Variants in GPATCH1 observed in about 807,000 individuals in gnomAD.
The protein encoded by GPATCH1 is G patch domain-containing protein 1.
GPATCH1 carries 73 observed loss-of-function variants against 114.9 expected under a neutral mutation model. The ratio of observed to expected loss-of-function variants is 0.64; its 90% CI spans 0.53 to 0.77. The LOEUF (loss-of-function observed/expected upper bound fraction) is 0.77. GPATCH1 is among the 30% of genes least tolerant of loss of function. The pLI, the probability that GPATCH1 is intolerant of heterozygous loss-of-function variation, is 0.00. For missense variants in GPATCH1, 1,058 were observed against 1,144.3 expected (o/e 0.92, Z 1.09); for synonymous variants, 391 against 428.4 (o/e 0.91, Z 1.08).
At chr19:33,096,948 C>CTT (rs201015806) in intron 7 of GPATCH1, among the ~76,000 whole-genome samples, 8 of 138,846 alleles carry the variant, frequency 5.8e-5, no homozygotes, top group East Asian at 4.4e-4. Context: ...TTCTTTCTTT[C>CTT]TTTCTTTTTT....
chr19:33,081,203 C>T lies in GPATCH1; in HGVS notation c.10C>T (p.Arg4Trp), dbSNP rs1972470967. 5.8e-6 allele frequency: 9 copies of T among 1,551,282 alleles called. No homozygotes were observed. The African/African-American group carries it at 9.6e-5, about 16-fold the overall frequency. MAARDSDSEEDLVS... is the reference protein window; with the variant it reads MAAWDSDSEEDLVS... ...GGCCCGGAAGAGCAGGATGGCGGCGCGGGACAGTGACAGCGAAGAAGATCT... is the reference window on the plus strand; with the variant it reads ...GGCCCGGAAGAGCAGGATGGCGGCGTGGGACAGTGACAGCGAAGAAGATCT... Residue 4 changes from arginine (R) to tryptophan (W), a missense_variant, in exon 1 of 20, where the codon CGG becomes TGG. Transcript: ENST00000170564.
chr19:33,088,002 A>G, intron 1 of GPATCH1, 132 bp from the exon 2 acceptor site: 1 of 546,760 alleles, frequency 1.8e-6, no homozygotes, highest in African/African-American at 1.9e-5. Flanking sequence ...AGGAATAACA[A>G]TTTAAATGAT....
At chr19:33,121,200 A>G (rs1972979706) in intron 17 of GPATCH1, among the ~76,000 whole-genome samples, 2 of 151,600 alleles carry the variant, frequency 1.3e-5, no homozygotes, top group African/African-American at 2.4e-5. Flanking sequence ...AGCTCACTGC[A>G]TGACTTCTGG....
intron 8 of GPATCH1, 126 bp downstream of exon 8, chr19:33,098,028 A>G (rs777841869): frequency 6.9e-5 from 65 of 938,418 alleles, no homozygotes; most frequent in Non-Finnish European, 9.2e-5. Flanking sequence ...GAAACAAAAC[A>G]AAGAAGCGAG....
chr19:33,126,240 T>G (rs902831400), intron 18 of GPATCH1, among the ~76,000 whole-genome samples: 7 of 152,230 alleles, frequency 4.6e-5, no homozygotes, highest in African/African-American at 1.4e-4. Flanking sequence ...CCCAGGGGTC[T>G]GACAAAATAA....
At chr19:33,086,978 A>T (rs115485117) in intron 1 of GPATCH1, among the ~76,000 whole-genome samples, 2,418 of 152,206 alleles carry the variant, frequency 0.016, 60 homozygotes, top group African/African-American at 0.055. Context: ...TCAAAAAAAA[A>T]AAATAAATAA....
At chr19:33,124,559 G>C (rs1306628259) in intron 17 of GPATCH1, among the ~76,000 whole-genome samples, 1 of 152,180 alleles carries the variant, frequency 6.6e-6, no homozygotes, top group African/African-American at 2.4e-5. Context: ...AGAGAGAGGA[G>C]GATATAAGAA....
rs1972836105 is a variant in GPATCH1 at position 33,110,132 on chromosome 19, T to A, written c.1585+116T>A. 3.3e-6 allele frequency: 3 copies of A among 905,224 alleles called. No homozygotes were observed. The Admixed American group carries it at 8.8e-5, about 26-fold the overall frequency. The allele number at this position is 905,224 out of a possible 1,614,324, so 56.1% of individuals were successfully genotyped here. On this transcript the variant is annotated intron_variant, in intron 11 of 19. Transcript: ENST00000170564. ...TATCCTGTTCTGTCAGTGTTTTTGC[T>A]TTATCCTGCTGCAAATAGTGCAAAG...
chr19:33,130,208 G>A lies in GPATCH1; in HGVS notation c.*48G>A, dbSNP rs1973089274. ...CTAGAATCATTTCTCCTCCATGATG[G>A]AAGCCCAGTGATTGTTCAGTTAACG... On this transcript the variant is annotated 3_prime_UTR_variant, in exon 20 of 20. Coordinates refer to ENST00000170564, the MANE Select transcript of GPATCH1 (RefSeq NM_018025.3). 1.5e-6 allele frequency: 2 copies of A among 1,308,478 alleles called. No homozygotes were observed. The highest frequency in any genetic ancestry group is 2.2e-6 in the Non-Finnish European group (2 of 901,370). The allele number at this position is 1,308,478 out of a possible 1,614,324, so 81.1% of individuals were successfully genotyped here. A position where few individuals can be genotyped will look rare whatever the true frequency, so the allele number is the denominator to read the frequency against.
intron 10 of GPATCH1, among the ~76,000 whole-genome samples, chr19:33,108,185 C>T (rs1448427381): frequency 1.3e-5 from 2 of 152,136 alleles, no homozygotes; most frequent in African/African-American, 4.8e-5. Flanking sequence ...ACCGTTGCTG[C>T]AGTCTCCTTG....
intron 15 of GPATCH1, among the ~76,000 whole-genome samples, 183 bp from the exon 16 acceptor site, chr19:33,117,642 G>A (rs762996941): frequency 6.6e-6 from 1 of 152,032 alleles, no homozygotes; most frequent in African/African-American, 2.4e-5. Context: ...TTGTTGACTC[G>A]GAAACACCAC....
chr19:33,120,548 C>CAAA (rs58579147), intron 17 of GPATCH1, among the ~76,000 whole-genome samples: 10 of 72,970 alleles, frequency 1.4e-4, no homozygotes, highest in South Asian at 4.1e-4. Context: ...GACTCTGTCT[C>CAAA]AAAAAAAAAA....
rs1972681051 is a variant in GPATCH1 at position 33,097,885 on chromosome 19, A to T, written c.983A>T (p.Gln328Leu). 1 of 1,614,022 alleles carries T rather than the reference A, an allele frequency of 6.2e-7. No individual in the cohort carries two copies. Among genetic ancestry groups the T allele is most frequent in the Admixed American group, 1.7e-5 (1 of 59,970 alleles). The change falls in exon 8 of 20, where the codon CAG becomes CTG. Residue 328 changes from glutamine (Q) to leucine (L), a missense_variant. By Grantham distance (113) the Gln-to-Leu change is moderately radical. Coordinates refer to ENST00000170564, the MANE Select transcript of GPATCH1 (RefSeq NM_018025.3). ...CTCTATGGCTGGACAGCACCCAGGC[A>T]GTATAAAAACCAGAAAGGTAATTCG... Reference protein sequence around the residue: ...DGLYGWTAPRQYKNQKESEKD... With the variant: ...DGLYGWTAPRLYKNQKESEKD...
At chr19:33,091,854 C>T (rs1972599817) in intron 3 of GPATCH1, among the ~76,000 whole-genome samples, 1 of 152,114 alleles carries the variant, frequency 6.6e-6, no homozygotes, top group African/African-American at 2.4e-5. Flanking sequence ...GTAGCATCAT[C>T]TAGAAGGAAA....
intron 16 of GPATCH1, 32 bp from the exon 17 acceptor site, chr19:33,118,978 A>C: frequency 7.6e-7 from 1 of 1,322,464 alleles, no homozygotes; most frequent in Non-Finnish European, 1.1e-6. Context: ...CATGGGGCAG[A>C]CGAATGACAT....
intron 8 of GPATCH1, 73 bp downstream of exon 8, chr19:33,097,975 A>T: frequency 1.5e-6 from 2 of 1,345,140 alleles, no homozygotes; most frequent in East Asian, 4.6e-5. Flanking sequence ...TGCAAGAGCG[A>T]TACAGGAGCA....
At position 33,088,143 on chromosome 19, in the gene GPATCH1, C is replaced by G; in HGVS notation, c.83C>G (p.Pro28Arg). The G allele has an allele frequency of 7.1e-7, 1 of 1,408,510 alleles. No individual in the cohort carries two copies. Among genetic ancestry groups the G allele is most frequent in the Non-Finnish European group, 9.4e-7 (1 of 1,060,162 alleles). 87.3% of individuals were successfully genotyped at this position (1,408,510 alleles called of 1,614,324 possible). ...TTTTTTTTTTTTTTAGGTGAAAGAC[C>G]AAAGAAACCAATCCCTCTTCAGGAT... ...GLEPLEEGER[P>R]KKPIPLQDQT... The change falls in exon 2 of 20, where the codon CCA (proline) becomes CGA (arginine). Residue 28 changes from proline (P) to arginine (R), a missense_variant. Physicochemically the swap from Pro to Arg is moderately radical, Grantham distance 103. Coordinates refer to ENST00000170564, the MANE Select transcript of GPATCH1 (RefSeq NM_018025.3).
intron 17 of GPATCH1, among the ~76,000 whole-genome samples, chr19:33,121,054 G>A (rs1008210243): frequency 2.4e-4 from 37 of 151,154 alleles, no homozygotes; most frequent in African/African-American, 8.7e-4. Context: ...TAAAAAAATA[G>A]TATACAAAAT....
In GPATCH1 at chr19:33,090,767, CTT is replaced by C. The variant is rs375926027; in HGVS notation, c.209-5_209-4del. ...CTCTAGGATTGTAAAGTTCTAAACT[CTT>C]TTTTTTTCAGGATGGACACCCTCTA... On this transcript the variant is annotated splice_polypyrimidine_tract_variant and intron_variant, in intron 2 of 19. Transcript: ENST00000170564. 36 of 1,534,904 alleles carry C rather than the reference CTT, an allele frequency of 2.3e-5. No homozygotes were observed. The East Asian group carries it at 7.3e-4, about 31-fold the overall frequency.
Sources: allele counts gnomAD v4.1 joint callset (sites outside exome capture counted in the v4.1 genomes callset), GRCh38; gene constraint gnomAD v4.1.1; transcripts MANE v1.5; gene names NCBI Gene and HGNC (gene_info 2026-07-23, HGNC 2026-07-21).